The following RGS6 variants were observed in gnomAD, a reference collection of about 807,000 sequenced individuals.
The protein encoded by RGS6 is regulator of G protein signaling 6.
RGS6 carries 30 observed loss-of-function variants against 78.5 expected under a neutral mutation model. The observed-to-expected ratio is 0.38, with a 90% CI of 0.29 to 0.52. RGS6 has a LOEUF of 0.52. Ranked by LOEUF, RGS6 falls within the 20% of genes least tolerant of loss-of-function variation. The pLI, the probability that RGS6 is intolerant of heterozygous loss-of-function variation, is 0.85. For synonymous variants in RGS6, 206 were observed against 206.0 expected (o/e 1.00, Z 0.00); for missense variants, 495 against 609.7 (o/e 0.81, Z 1.98).
At chr14:71,931,392 G>A (rs1403061187), upstream of RGS6, among the ~76,000 whole-genome samples, 2 of 152,118 alleles carry the variant, frequency 1.3e-5, no homozygotes, top group Non-Finnish European at 2.9e-5. Flanking sequence ...GTCTAACACA[G>A]AGCAGGTGCT....
intron 3 of RGS6, among the ~76,000 whole-genome samples, chr14:72,359,601 T>C (rs2081071937): frequency 6.6e-6 from 1 of 152,166 alleles, no homozygotes; most frequent in African/African-American, 2.4e-5. Flanking sequence ...GGAGTGAGTG[T>C]AGATAGAACA....
At chr14:72,042,947 G>GT (rs1491348148) in intron 2 of RGS6, among the ~76,000 whole-genome samples, 4 of 152,136 alleles carry the variant, frequency 2.6e-5, no homozygotes, top group Non-Finnish European at 5.9e-5. Flanking sequence ...AAGTGTGAGA[G>GT]TGTTACATTG....
chr14:72,210,031 A>G (rs1211372318), intron 2 of RGS6, among the ~76,000 whole-genome samples: 1 of 152,254 alleles, frequency 6.6e-6, no homozygotes, highest in Non-Finnish European at 1.5e-5. Context: ...TTTGCAGAAT[A>G]CAGATACTCA....
In RGS6 at chr14:72,539,294, C is replaced by T. The variant is rs117515222; in HGVS notation, c.1369-747C>T. 9.0e-4 allele frequency among the ~76,000 whole-genome samples: 137 copies of T among 152,268 alleles called. 2 individuals carry two copies. In the East Asian group the frequency reaches 0.025, roughly 28 times the overall value. On this transcript the variant is annotated intron_variant, in intron 16 of 17. Transcript: ENST00000553525. ...TCTGAGCTTCCTCTAGCCTGTCGTACGTACATCTTGGCAGGTGTTATGTCA... is the reference window on the plus strand; with the variant it reads ...TCTGAGCTTCCTCTAGCCTGTCGTATGTACATCTTGGCAGGTGTTATGTCA...
intron 2 of RGS6, among the ~76,000 whole-genome samples, chr14:72,105,420 A>G (rs1281406826): frequency 6.6e-6 from 1 of 152,166 alleles, no homozygotes; most frequent in African/African-American, 2.4e-5. Flanking sequence ...TGTACTTTTC[A>G]TACAGCAGGC....
chr14:72,335,072 G>GTCTGATGGTTTTATAAAGGGGAGT (rs71305824), intron 2 of RGS6, among the ~76,000 whole-genome samples: 7,902 of 152,112 alleles, frequency 0.052, 289 homozygotes, highest in East Asian at 0.22. Context: ...GTCTTAGGAG[G>GTCTGATGGTTTTATAAAGGGGAGT]TCTTCTGCAC....
chr14:72,066,696 T>A lies in RGS6; in HGVS notation c.84+101821T>A, dbSNP rs551671875. 2.3e-4 allele frequency among the ~76,000 whole-genome samples: 35 copies of A among 152,210 alleles called. No individual in the cohort carries two copies. The South Asian group carries it at 7.3e-3, about 32-fold the overall frequency. Reference sequence around the variant, plus strand: ...GGGAGTAGTGACTTGGGATTTCATTTAAGTACTTAATTTACAGGAAAAAAA... The same window carrying A: ...GGGAGTAGTGACTTGGGATTTCATTAAAGTACTTAATTTACAGGAAAAAAA... On this transcript the variant is annotated intron_variant, in intron 2 of 17. Coordinates refer to ENST00000553525, the MANE Select transcript of RGS6 (RefSeq NM_001204424.2).
intron 2 of RGS6, among the ~76,000 whole-genome samples, chr14:72,161,453 A>C (rs1205212266): frequency 6.6e-6 from 1 of 152,162 alleles, no homozygotes; most frequent in Non-Finnish European, 1.5e-5. Context: ...TTGAGGAAAT[A>C]TTCTAAGTTT....
At chr14:72,139,015 T>A (rs534452043) in intron 2 of RGS6, among the ~76,000 whole-genome samples, 5 of 152,176 alleles carry the variant, frequency 3.3e-5, no homozygotes, top group Non-Finnish European at 7.3e-5. Context: ...TTGTCTTCCA[T>A]GAAACCAGTC....
intron 2 of RGS6, among the ~76,000 whole-genome samples, chr14:72,095,842 T>C (rs1284433019): frequency 6.6e-6 from 1 of 152,260 alleles, no homozygotes; most frequent in Non-Finnish European, 1.5e-5. Flanking sequence ...TAGGAAATGC[T>C]GGTGCATTGT....
intron 2 of RGS6, among the ~76,000 whole-genome samples, chr14:72,156,721 A>G (rs1042811409): frequency 3.3e-5 from 5 of 152,150 alleles, no homozygotes; most frequent in Non-Finnish European, 7.4e-5. Flanking sequence ...TCAAGTAAGG[A>G]AGTTGAACAA....
chr14:71,952,976 C>T (rs192877707), intron 1 of RGS6, among the ~76,000 whole-genome samples: 13 of 152,274 alleles, frequency 8.5e-5, no homozygotes, highest in Admixed American at 3.9e-4. Flanking sequence ...AAATTGGCAA[C>T]GCTTCTCTGT....
At chr14:72,039,357 A>T (rs1167139516) in intron 2 of RGS6, among the ~76,000 whole-genome samples, 1 of 152,152 alleles carries the variant, frequency 6.6e-6, no homozygotes, top group East Asian at 1.9e-4. Context: ...AGTTTATAGG[A>T]GGGATATAGA....
At chr14:72,139,148 G>A (rs766671563) in intron 2 of RGS6, among the ~76,000 whole-genome samples, 3 of 152,152 alleles carry the variant, frequency 2.0e-5, no homozygotes, top group Non-Finnish European at 4.4e-5. Flanking sequence ...TTGCAGAGAC[G>A]AAGCAACATT....
chr14:72,016,088 C>T lies in RGS6; in HGVS notation c.84+51213C>T, dbSNP rs111900606. 3.7e-3 allele frequency among the ~76,000 whole-genome samples: 558 copies of T among 152,228 alleles called. 5 individuals are homozygous for T. The highest frequency in any genetic ancestry group is 0.012 in the African/African-American group (484 of 41,522). ...ATATTTATCCATTTCTCCTTTGTGGCTTGTACTTTTTTATGTGTTTTTAAA... is the reference window on the plus strand; with the variant it reads ...ATATTTATCCATTTCTCCTTTGTGGTTTGTACTTTTTTATGTGTTTTTAAA... On this transcript the variant is annotated intron_variant, in intron 2 of 17. Transcript: ENST00000553525.
chr14:72,012,221 A>G (rs2085913063), intron 2 of RGS6, among the ~76,000 whole-genome samples: 1 of 152,216 alleles, frequency 6.6e-6, no homozygotes, highest in South Asian at 2.1e-4. Context: ...AATTTAGACA[A>G]GCAAAAGTTA....
At chr14:72,488,309 T>C (rs1010470358) in intron 12 of RGS6, among the ~76,000 whole-genome samples, 1 of 152,202 alleles carries the variant, frequency 6.6e-6, no homozygotes, top group Non-Finnish European at 1.5e-5. Context: ...CCTAGACCTT[T>C]TTTAGAGAAG....
At chr14:72,317,246 A>C in intron 2 of RGS6, among the ~76,000 whole-genome samples, 1 of 152,066 alleles carries the variant, frequency 6.6e-6, no homozygotes, top group Non-Finnish European at 1.5e-5. Context: ...GCTGCCAATA[A>C]TAATAACAAT....
At chr14:72,231,087 C>T (rs1040182514) in intron 2 of RGS6, among the ~76,000 whole-genome samples, 2 of 152,076 alleles carry the variant, frequency 1.3e-5, no homozygotes, top group African/African-American at 2.4e-5. Context: ...AGGCTGGGGT[C>T]ACTGGAGTCT....
Sources: allele counts gnomAD v4.1 joint callset (sites outside exome capture counted in the v4.1 genomes callset), GRCh38; gene constraint gnomAD v4.1.1; transcripts MANE v1.5; gene names NCBI Gene and HGNC (gene_info 2026-07-23, HGNC 2026-07-21).